The following HTR4 variants were observed in gnomAD, a reference collection of about 807,000 sequenced individuals.
HTR4 encodes 5-hydroxytryptamine receptor 4.
HTR4 carries 16 observed loss-of-function variants against 36.8 expected under a neutral mutation model. The ratio of observed to expected loss-of-function variants is 0.43; its 90% CI spans 0.29 to 0.66. The LOEUF (loss-of-function observed/expected upper bound fraction) is 0.66. HTR4 is among the 30% of genes least tolerant of loss of function. HTR4 has a pLI of 0.13. For synonymous variants in HTR4, 189 were observed against 185.1 expected (o/e 1.02, Z -0.17); for missense variants, 438 against 490.9 (o/e 0.89, Z 1.02).
intron 5 of HTR4, among the ~76,000 whole-genome samples, chr5:148,516,640 T>G (rs1303580197): frequency 1.3e-5 from 2 of 151,478 alleles, no homozygotes; most frequent in African/African-American, 4.9e-5. Flanking sequence ...TTTTTTTTTG[T>G]AGATGCTCCT....
intron 2 of HTR4, among the ~76,000 whole-genome samples, chr5:148,613,590 A>G (rs1370279951): frequency 1.3e-5 from 2 of 150,280 alleles, no homozygotes; most frequent in Non-Finnish European, 3.0e-5. Flanking sequence ...AATGGGCAAA[A>G]ACTGGAAGCA....
chr5:148,583,474 A>G (rs1476777778), intron 2 of HTR4, among the ~76,000 whole-genome samples: 2 of 150,906 alleles, frequency 1.3e-5, no homozygotes, highest in East Asian at 1.9e-4. Context: ...TATTTTGCAG[A>G]AAAAAAAAGA....
intron 2 of HTR4, among the ~76,000 whole-genome samples, chr5:148,581,022 CTT>C (rs35230103): frequency 6.7e-5 from 10 of 149,076 alleles, no homozygotes; most frequent in South Asian, 2.1e-4. Flanking sequence ...CATTTGCTGT[CTT>C]TTTTTTTTTA....
At chr5:148,528,320 T>C (rs951285181) in intron 4 of HTR4, among the ~76,000 whole-genome samples, 4 of 152,124 alleles carry the variant, frequency 2.6e-5, no homozygotes, top group East Asian at 1.9e-4. Flanking sequence ...TTGAGTGGGA[T>C]TGAGTATAGA....
At chr5:148,458,020 A>AATAAAATATATT (rs1755156404) in intron 5 of HTR4, among the ~76,000 whole-genome samples, 1 of 131,682 alleles carries the variant, frequency 7.6e-6, no homozygotes, top group African/African-American at 2.8e-5. Flanking sequence ...TAAATATTAA[A>AATAAAATATATT]TTAAGATATA....
intron 5 of HTR4, among the ~76,000 whole-genome samples, chr5:148,459,862 C>A (rs981396563): frequency 1.3e-5 from 2 of 152,052 alleles, no homozygotes; most frequent in South Asian, 2.1e-4. Flanking sequence ...GAACTTAAAA[C>A]AACTGTGATT....
intron 5 of HTR4, chr5:148,466,030 A>G (rs1395822707): frequency 3.3e-6 from 5 of 1,533,442 alleles, no homozygotes; most frequent in Non-Finnish European, 4.4e-6. Flanking sequence ...ACATGATCTC[A>G]GCCTAAATAA....
At chr5:148,458,041 AT>A (rs1755158023) in intron 5 of HTR4, among the ~76,000 whole-genome samples, 1 of 128,462 alleles carries the variant, frequency 7.8e-6, no homozygotes, top group Admixed American at 7.8e-5. Flanking sequence ...TTTAATATAT[AT>A]TAAAATATAT....
chr5:148,583,791 C>T (rs950550580), intron 2 of HTR4, among the ~76,000 whole-genome samples: 4 of 152,072 alleles, frequency 2.6e-5, no homozygotes, highest in Admixed American at 6.6e-5. Flanking sequence ...AGCTCCTGTT[C>T]CCTGGGAAGC....
intron 5 of HTR4, chr5:148,462,004 A>T (rs966766467): frequency 4.6e-5 from 7 of 152,092 alleles, no homozygotes; most frequent in Non-Finnish European, 7.4e-5. Flanking sequence ...ACACACTTCT[A>T]AATAACATAT....
At chr5:148,577,602 T>C (rs1014552285) in intron 2 of HTR4, among the ~76,000 whole-genome samples, 6 of 151,938 alleles carry the variant, frequency 3.9e-5, no homozygotes, top group African/African-American at 1.5e-4. Context: ...ATAAAGAAAA[T>C]GTGGTACATA....
downstream of HTR4, among the ~76,000 whole-genome samples, chr5:148,471,721 A>G (rs57922038): frequency 6.6e-6 from 1 of 152,198 alleles, no homozygotes; most frequent in Non-Finnish European, 1.5e-5. Context: ...ACATTAAAGC[A>G]GGGATTTTAA....
chr5:148,584,379 C>T (rs1761267003), intron 2 of HTR4, among the ~76,000 whole-genome samples: 1 of 152,196 alleles, frequency 6.6e-6, no homozygotes, highest in African/African-American at 2.4e-5. Flanking sequence ...CTTCCAATTA[C>T]ATGACTCCAC....
intron 2 of HTR4, among the ~76,000 whole-genome samples, chr5:148,615,974 T>G (rs1185981365): frequency 6.6e-6 from 1 of 152,206 alleles, no homozygotes; most frequent in Non-Finnish European, 1.5e-5. Flanking sequence ...TTCCATAAGC[T>G]TTCTCTCCTT....
chr5:148,574,500 C>T (rs1760811075), intron 2 of HTR4, among the ~76,000 whole-genome samples: 1 of 151,868 alleles, frequency 6.6e-6, no homozygotes, highest in Non-Finnish European at 1.5e-5. Context: ...CTATTTAATC[C>T]ACAAAATTCA....
At chr5:148,613,420 A>G (rs1464994368) in intron 2 of HTR4, among the ~76,000 whole-genome samples, 1 of 151,958 alleles carries the variant, frequency 6.6e-6, no homozygotes, top group Non-Finnish European at 1.5e-5. Context: ...ACAGAGCCAA[A>G]GACAAAAACC....
At chr5:148,591,990 G>A (rs891186627) in intron 2 of HTR4, among the ~76,000 whole-genome samples, 4 of 152,060 alleles carry the variant, frequency 2.6e-5, no homozygotes, top group Non-Finnish European at 5.9e-5. Context: ...CAACTGAAAT[G>A]TCATCAATGG....
intron 5 of HTR4, among the ~76,000 whole-genome samples, chr5:148,518,148 C>T (rs2113787871): frequency 6.6e-6 from 1 of 152,202 alleles, no homozygotes; most frequent in Non-Finnish European, 1.5e-5. Flanking sequence ...GTTTAACACC[C>T]TATTTAATAT....
chr5:148,510,552 G>A (rs1432677180), intron 5 of HTR4, among the ~76,000 whole-genome samples: 1 of 152,196 alleles, frequency 6.6e-6, no homozygotes, highest in Non-Finnish European at 1.5e-5. Flanking sequence ...CCCACTCCCT[G>A]CTGCCACCCC....
Sources: gnomAD v4.1 joint callset for allele counts (sites outside exome capture counted in the v4.1 genomes callset) on GRCh38, gnomAD v4.1.1 for gene constraint, MANE v1.5 for transcripts, NCBI Gene and HGNC (gene_info 2026-07-23, HGNC 2026-07-21) for gene names.